The following AKAP4 variants were observed in gnomAD, a reference collection of about 807,000 sequenced individuals.
AKAP4 encodes A-kinase anchor protein 4.
A neutral mutation model predicts 42.6 loss-of-function variants in AKAP4; 4 were observed. That is an observed-to-expected ratio of 0.09 (90% CI 0.05 to 0.22). The LOEUF is 0.22. Ranked by LOEUF, AKAP4 falls within the 10% of genes least tolerant of loss-of-function variation. The probability of loss-of-function intolerance (pLI) is 1.00; values close to 1 mark genes in which losing one functional copy is unlikely to be tolerated. For missense variants in AKAP4, 551 were observed against 630.7 expected, an observed-to-expected ratio of 0.87 and a Z score of 1.35; for synonymous variants, 223 against 233.0, an observed-to-expected ratio of 0.96 and a Z score of 0.39.
intron 1 of AKAP4, among the ~76,000 whole-genome samples, chrX:50,199,172 C>T (rs1050461388): frequency 3.7e-4 from 41 of 111,315 alleles, no homozygotes; most frequent in African/African-American, 1.3e-3. Context: ...ACGTTACCCC[C>T]TCTAACTTAA....
Position 50,192,933 on chromosome X carries a change from T to G in AKAP4, c.1780A>C (p.Lys594Gln). The G allele has an allele frequency of 8.3e-7, 1 of 1,211,859 alleles. No homozygotes were observed. Residue 594 changes from lysine (K) to glutamine (Q), a missense_variant, in exon 5 of 6, where the codon AAA (lysine) becomes CAA (glutamine). Physicochemically the swap from Lys to Gln is moderately conservative, Grantham distance 53. Coordinates refer to ENST00000358526, the MANE Select transcript of AKAP4 (RefSeq NM_003886.3). ...YEKCGGGQSA[K>Q]ALSVKQLESH... ...TCTAGTTGTTTCACTGAAAGTGCTT[T>G]GGCACTTTGGCCACCTCCACACTTT...
At chrX:50,198,533 G>A in intron 2 of AKAP4, 124 bp downstream of exon 2, 1 of 468,882 alleles carries the variant, frequency 2.1e-6, no homozygotes, top group Non-Finnish European at 3.7e-6. Context: ...GACAGACCTT[G>A]TTGAGCTTGG....
rs1557203771 is a variant in AKAP4, at chrX:50,192,544, C to T, written c.2169G>A (p.Glu723=). ...KYSNDGAALA[E]LEEQAASANK... Reference sequence around the variant, plus strand: ...TTGCCGAGGCTGCTTGTTCTTCCAACTCAGCAAGGGCTGCCCCATCGTTGC... The same window carrying T: ...TTGCCGAGGCTGCTTGTTCTTCCAATTCAGCAAGGGCTGCCCCATCGTTGC... Residue 723 remains glutamate (E), a synonymous_variant, in exon 5 of 6, where the codon GAG becomes GAA. Transcript: ENST00000358526. 5.0e-6 allele frequency: 6 copies of T among 1,211,866 alleles called. No homozygotes were observed. The highest frequency in any genetic ancestry group is 3.5e-5 in the African/African-American group (2 of 57,884).
At chrX:50,192,068 C>T (rs782543898) in intron 5 of AKAP4, among the ~76,000 whole-genome samples, 19 of 110,663 alleles carry the variant, frequency 1.7e-4, no homozygotes, top group Non-Finnish European at 5.7e-5. Flanking sequence ...AAAAGGGTCA[C>T]GGATGAAATG....
Position 50,192,659 on chromosome X carries a change from C to T in AKAP4, c.2054G>A (p.Cys685Tyr), listed in dbSNP as rs1935128092. 2 of 1,211,699 alleles carry T rather than the reference C, an allele frequency of 1.7e-6. No individual in the cohort carries two copies. Among genetic ancestry groups the T allele is most frequent in the East Asian group, 3.0e-5 (1 of 33,837 alleles). The change falls in exon 5 of 6, where the codon TGT becomes TAT. Residue 685 changes from cysteine (C) to tyrosine (Y), a missense_variant. Physicochemically the swap from Cys to Tyr is radical, Grantham distance 194. Coordinates refer to ENST00000358526, the MANE Select transcript of AKAP4 (RefSeq NM_003886.3). The part of the protein sequence containing the change: ...EQCQEHQELD[C>Y]TSGMKQANGQ... ...GTTCGCTTGCTTCATCCCACTGGTA[C>T]AGTCAAGTTCTTGATGCTCCTGGCA...
rs782654323 is a variant in AKAP4, at chrX:50,193,662, T to A, written c.1051A>T (p.Thr351Ser). The change falls in exon 5 of 6, where the codon ACC becomes TCC. Residue 351 changes from threonine to serine, a missense_variant. Physicochemically the swap from Thr to Ser is moderately conservative, Grantham distance 58. Transcript: ENST00000358526. ...TTCCCAGAGCTGTGCACTTTCAAGGTCTTCATGAGAGAGACCATCATGTCA... is the reference window on the plus strand; with the variant it reads ...TTCCCAGAGCTGTGCACTTTCAAGGACTTCATGAGAGAGACCATCATGTCA... The part of the protein sequence containing the change: ...ASDMMVSLMK[T>S]LKVHSSGKPI... The A allele has an allele frequency of 8.3e-7, 1 of 1,210,252 alleles. No individual in the cohort carries two copies. Among genetic ancestry groups the A allele is most frequent in the African/African-American group, 1.7e-5 (1 of 57,314 alleles).
intron 5 of AKAP4, among the ~76,000 whole-genome samples, chrX:50,191,659 T>TGTGTGTGTGTGTGAGAGAAA (rs1363221828): frequency 2.3e-5 from 1 of 43,611 alleles, no homozygotes; most frequent in African/African-American, 7.4e-5. Context: ...TGTGTGTGTG[T>TGTGTGTGTGTGTGAGAGAAA]GAGAGAGAGA....
At chrX:50,198,469 C>G (rs1935218677) in intron 2 of AKAP4, among the ~76,000 whole-genome samples, 188 bp downstream of exon 2, 1 of 110,478 alleles carries the variant, frequency 9.1e-6, no homozygotes, top group Admixed American at 9.6e-5. Context: ...CACACCACAC[C>G]CTGCCCCTCC....
intron 4 of AKAP4, among the ~76,000 whole-genome samples, chrX:50,195,690 A>G (rs1198024376): frequency 8.9e-6 from 1 of 111,912 alleles, no homozygotes; most frequent in Non-Finnish European, 1.9e-5. Context: ...TGCTACATCA[A>G]TGCTTGTGTA....
chrX:50,194,241 C>A lies in AKAP4; in HGVS notation c.472G>T (p.Val158Phe), dbSNP rs1569541779. 1 of 1,210,661 alleles carries A rather than the reference C, an allele frequency of 8.3e-7. No homozygotes were observed. The highest frequency in any genetic ancestry group is 1.1e-6 in the Non-Finnish European group (1 of 895,105). The change falls in exon 5 of 6, where the codon GTC becomes TTC. Residue 158 changes from valine to phenylalanine, a missense_variant. Val to Phe is a conservative substitution (Grantham distance 50, BLOSUM62 -1). Transcript: ENST00000358526. The part of the protein sequence containing the change: ...HRASSENCYS[V>F]YADQVNIDYL... ...TCTATGTTCACTTGATCGGCATAGA[C>A]ACTGTAGCAGTTCTCAGAGGATGCT... is the stretch of plus-strand genomic sequence containing the variant.
chrX:50,194,401 G>C lies in AKAP4; in HGVS notation c.312C>G (p.Pro104=). ...AGTTGAGGACACTTACAGGATCAGA[G>C]GGAGCTTGTTTGAAAAGGCATACAG... ...EGSVCLFKQA[P]SDPVSVLNWL... Residue 104 remains proline, a synonymous_variant, in exon 5 of 6, where the codon CCC becomes CCG. Transcript: ENST00000358526. 1 of 1,207,703 alleles carries C rather than the reference G, an allele frequency of 8.3e-7. No individual in the cohort carries two copies. The highest frequency in any genetic ancestry group is 1.1e-6 in the Non-Finnish European group (1 of 894,267).
intron 1 of AKAP4, 85 bp from the exon 2 acceptor site, chrX:50,198,837 G>T: frequency 1.4e-6 from 1 of 717,238 alleles, no homozygotes; most frequent in Non-Finnish European, 2.1e-6. Context: ...CTCTGGAGGG[G>T]TTCTGAAATC....
chrX:50,199,199 T>G (rs1935229934), intron 1 of AKAP4, among the ~76,000 whole-genome samples: 1 of 111,213 alleles, frequency 9.0e-6, no homozygotes, highest in African/African-American at 3.3e-5. Context: ...CTAACTCCAG[T>G]TCAACCAGTC....
chrX:50,194,315 G>A lies in AKAP4; in HGVS notation c.398C>T (p.Thr133Ile), dbSNP rs782617887. ...LGFQHALSPS[T>I]STCKHKVGDT... The stretch of plus-strand genomic sequence containing the variant: ...TCCTACTTTATGTTTACAGGTAGAG[G>A]TTGAGGGGCTCAGTGCATGTTGGAA... Residue 133 changes from threonine (T) to isoleucine (I), a missense_variant, in exon 5 of 6, where the codon ACC becomes ATC. Physicochemically the swap from Thr to Ile is moderately conservative, Grantham distance 89. Coordinates refer to ENST00000358526, the MANE Select transcript of AKAP4 (RefSeq NM_003886.3). The A allele has an allele frequency of 8.3e-7, 1 of 1,209,388 alleles. No individual in the cohort carries two copies. The highest frequency in any genetic ancestry group is 1.1e-6 in the Non-Finnish European group (1 of 894,823).
chrX:50,190,871 G>T lies in AKAP4; in HGVS notation c.*89C>A. 1 of 1,083,145 alleles carries T rather than the reference G, an allele frequency of 9.2e-7. No individual in the cohort carries two copies. The highest frequency in any genetic ancestry group is 2.1e-5 in the South Asian group (1 of 48,255). 89.3% of individuals were successfully genotyped at this position (1,083,145 alleles called of 1,213,427 possible). A position where few individuals can be genotyped will look rare whatever the true frequency, so the allele number is the denominator to read the frequency against. ...GTATTGGGAAATACAGTTGTGTATT[G>T]TGCAGTTGACTGGCCTGATGGTGGG... On this transcript the variant is annotated 3_prime_UTR_variant, in exon 6 of 6. Transcript: ENST00000358526.
chrX:50,197,463 C>T, intron 3 of AKAP4, 81 bp downstream of exon 3: 2 of 926,034 alleles, frequency 2.2e-6, no homozygotes, highest in Non-Finnish European at 3.0e-6. Context: ...CTCCCCCCAA[C>T]ATTTTCCATT....
In AKAP4 at chrX:50,192,822, G is replaced by A. The variant is rs1935130515; in HGVS notation, c.1891C>T (p.Leu631=). The A allele has an allele frequency of 9.1e-6, 11 of 1,211,889 alleles. No individual in the cohort carries two copies. In the East Asian group the frequency reaches 3.3e-4, roughly 36 times the overall value. ...TTAAGCAGTTTCTGAATCAGCATTA[G>A]AACGATGTTTGACATATCCATTTTC... The part of the protein sequence containing the change: ...SQKMDMSNIV[L]MLIQKLLNEN... Residue 631 remains leucine, a synonymous_variant, in exon 5 of 6, where the codon CTA becomes TTA. Transcript: ENST00000358526.
At position 50,197,534 on chromosome X, in the gene AKAP4, G is replaced by A. The variant is rs1557204476; in HGVS notation, c.174+10C>T. ...CCCACCGATTCTGACTCTGAGCAGAGAATACGCACCTTGTAATCTTTATCT... is the reference window on the plus strand; with the variant it reads ...CCCACCGATTCTGACTCTGAGCAGAAAATACGCACCTTGTAATCTTTATCT... On this transcript the variant is annotated intron_variant, in intron 3 of 5. Coordinates refer to ENST00000358526, the MANE Select transcript of AKAP4 (RefSeq NM_003886.3). 1.7e-6 allele frequency: 2 copies of A among 1,198,792 alleles called. No homozygotes were observed. The highest frequency in any genetic ancestry group is 2.3e-6 in the Non-Finnish European group (2 of 885,813).
At chrX:50,196,003 G>A (rs1329508471) in intron 4 of AKAP4, among the ~76,000 whole-genome samples, 1 of 111,435 alleles carries the variant, frequency 9.0e-6, no homozygotes, top group Non-Finnish European at 1.9e-5. Context: ...ATGAGCTTAA[G>A]TTACAATCAA....
Sources: allele counts gnomAD v4.1 joint callset (sites outside exome capture counted in the v4.1 genomes callset), GRCh38; gene constraint gnomAD v4.1.1; transcripts MANE v1.5; gene names NCBI Gene and HGNC (gene_info 2026-07-23, HGNC 2026-07-21).